The following KNDC1 variants were observed in gnomAD, a reference collection of about 807,000 sequenced individuals.
The protein encoded by KNDC1 is kinase non-catalytic C-lobe domain-containing protein 1.
KNDC1 carries 106 observed loss-of-function variants against 172.8 expected under a neutral mutation model. That is an observed-to-expected ratio of 0.61 (90% CI 0.52 to 0.72). KNDC1 has a LOEUF of 0.72. KNDC1 is among the 30% of genes least tolerant of loss of function. KNDC1 has a pLI of 0.00. For missense variants in KNDC1, 2,325 were observed against 2,394.5 expected (o/e 0.97, Z 0.61); for synonymous variants, 1,083 against 1,062.2 (o/e 1.02, Z -0.38).
intron 3 of KNDC1, among the ~76,000 whole-genome samples, chr10:133,177,157 C>T (rs1853559042): frequency 3.5e-5 from 5 of 144,154 alleles, no homozygotes. Flanking sequence ...GTCTGTGTCT[C>T]TGTGCACATG....
In KNDC1 at chr10:133,201,236, G is replaced by A. The variant is rs75632466; in HGVS notation, c.2990-265G>A. 2.3e-4 allele frequency among the ~76,000 whole-genome samples: 35 copies of A among 152,344 alleles called. No individual in the cohort carries two copies. In the South Asian group the frequency reaches 5.4e-3, roughly 23 times the overall value. ...CCCGGCCCCACCCCGGGGCGAGTAC[G>A]AGTTTGGAAGCAGTGAGGGCGCAGA... On this transcript the variant is annotated intron_variant, in intron 16 of 29. Transcript: ENST00000304613.
chr10:133,176,271 A>G (rs1028999543), intron 3 of KNDC1, among the ~76,000 whole-genome samples: 2 of 148,672 alleles, frequency 1.3e-5, no homozygotes, highest in Non-Finnish European at 3.0e-5. Context: ...GGATGGATGC[A>G]TGGTGGATGG....
Position 133,186,456 on chromosome 10 carries a change from G to C in KNDC1, c.1108G>C (p.Glu370Gln). The change falls in exon 6 of 30, where the codon GAA (glutamate) becomes CAA (glutamine). Residue 370 changes from glutamate to glutamine, a missense_variant. Coordinates refer to ENST00000304613, the MANE Select transcript of KNDC1 (RefSeq NM_152643.8). ...CAGGCTGTGGCCGGAGCAGGAGCCG[G>C]AACACCAGCTGGGACGGGTTCCCTG... The part of the protein sequence containing the change: ...KCRLWPEQEP[E>Q]HQLGRVPCAG... 2 of 1,612,522 alleles carry C rather than the reference G, an allele frequency of 1.2e-6. No homozygotes were observed. The highest frequency in any genetic ancestry group is 1.7e-6 in the Non-Finnish European group (2 of 1,179,804).
intron 26 of KNDC1, among the ~76,000 whole-genome samples, chr10:133,217,218 T>G (rs1845484412): frequency 6.6e-6 from 1 of 152,268 alleles, no homozygotes; most frequent in Non-Finnish European, 1.5e-5. Flanking sequence ...AGTGAAAAAG[T>G]GTGGCGAAAT....
At chr10:133,196,914 G>C in intron 10 of KNDC1, 144 bp from the exon 11 acceptor site, 1 of 644,370 alleles carries the variant, frequency 1.6e-6, no homozygotes, top group Non-Finnish European at 2.8e-6. Flanking sequence ...GGCTTGTCCG[G>C]GGCCTGTAGT....
chr10:133,174,882 ATGGATGGTTAATATGTGAATGGATAGG>A (rs1346855630), intron 3 of KNDC1, among the ~76,000 whole-genome samples: 5 of 146,394 alleles, frequency 3.4e-5, no homozygotes, highest in African/African-American at 1.3e-4. Context: ...GGATGGATAG[ATGGATGGTTAATATGTGAATGGATAGG>A]TGGATGTGTG....
intron 29 of KNDC1, among the ~76,000 whole-genome samples, chr10:133,220,853 G>C (rs1406268354): frequency 6.6e-6 from 1 of 151,960 alleles, no homozygotes; most frequent in African/African-American, 2.4e-5. Flanking sequence ...ATCCAGCAGA[G>C]GAGGGGCTCA....
At chr10:133,175,315 T>C (rs1476802164) in intron 3 of KNDC1, among the ~76,000 whole-genome samples, 3 of 142,660 alleles carry the variant, frequency 2.1e-5, no homozygotes, top group African/African-American at 5.2e-5. Flanking sequence ...GGTGGGTGAA[T>C]AGGTAGATGG....
rs561694698 is a variant in KNDC1, at chr10:133,182,249, G to A, written c.361-1095G>A. Among the ~76,000 whole-genome samples, 3 of 152,028 alleles carry A rather than the reference G, an allele frequency of 2.0e-5. No homozygotes were observed. In the East Asian group the frequency reaches 5.8e-4, roughly 29 times the overall value. ...GAGGTGGGTCTCAGGGTTCTGTGAC[G>A]ATATCTTGAGACCACCCAGGGAGAG... On this transcript the variant is annotated intron_variant, in intron 3 of 29. Coordinates refer to ENST00000304613, the MANE Select transcript of KNDC1 (RefSeq NM_152643.8).
chr10:133,193,603 G>A (rs371931466), intron 9 of KNDC1, among the ~76,000 whole-genome samples: 2 of 151,702 alleles, frequency 1.3e-5, no homozygotes, highest in Admixed American at 1.3e-4. Context: ...GAAGGAAGGA[G>A]GAAGAGAAGA....
chr10:133,226,400 C>T lies in KNDC1; in HGVS notation c.*1510C>T, dbSNP rs1406813411. The T allele has an allele frequency of 6.6e-6, 1 of 152,248 alleles. No homozygotes were observed. Among genetic ancestry groups the T allele is most frequent in the African/African-American group, 2.4e-5 (1 of 41,456 alleles). The allele number at this position is 152,248 out of a possible 1,614,324, so 9.4% of individuals were successfully genotyped here. On this transcript the variant is annotated 3_prime_UTR_variant, in exon 30 of 30. Transcript: ENST00000304613. ...CCTGGCACCAATTTCTGAATAAAGT[C>T]CTTTCTACCAGCTGCTGCTGTGTGG... is the stretch of plus-strand genomic sequence containing the variant.
In KNDC1 at chr10:133,187,970, C is replaced by G. The variant is rs181838334; in HGVS notation, c.1327-569C>G. 1.2e-4 allele frequency among the ~76,000 whole-genome samples: 17 copies of G among 147,080 alleles called. No individual in the cohort carries two copies. In the East Asian group the frequency reaches 1.9e-3, roughly 17 times the overall value. On this transcript the variant is annotated intron_variant, in intron 6 of 29. Transcript: ENST00000304613. ...GTCCCACCCTTCCCCTCCATGAGCTCTGTCCAGGGGCCTCGTGGGAGTGGG... is the reference window on the plus strand; with the variant it reads ...GTCCCACCCTTCCCCTCCATGAGCTGTGTCCAGGGGCCTCGTGGGAGTGGG...
At position 133,162,133 on chromosome 10, in the gene KNDC1, G is replaced by A. The variant is rs567440746; in HGVS notation, c.102+1564G>A. On this transcript the variant is annotated intron_variant, in intron 1 of 29. Coordinates refer to ENST00000304613, the MANE Select transcript of KNDC1 (RefSeq NM_152643.8). ...CGAGTTTGCAGCGTGCAGTGGGAACGTTCAGGTGGGCCCTTCGCAGACACT... is the reference window on the plus strand; with the variant it reads ...CGAGTTTGCAGCGTGCAGTGGGAACATTCAGGTGGGCCCTTCGCAGACACT... Among the ~76,000 whole-genome samples the A allele has an allele frequency of 3.9e-5, 6 of 152,330 alleles. No individual in the cohort carries two copies. In the East Asian group the frequency reaches 7.7e-4, roughly 20 times the overall value.
intron 9 of KNDC1, 101 bp from the exon 10 acceptor site, chr10:133,195,562 C>A: frequency 8.6e-7 from 1 of 1,160,282 alleles, no homozygotes; most frequent in Non-Finnish European, 1.2e-6. Flanking sequence ...TCTGTGGGGG[C>A]AGTGCCTGGG....
Position 133,214,010 on chromosome 10 carries a change from G to C in KNDC1, c.4565G>C (p.Ser1522Thr). 2.5e-6 allele frequency: 4 copies of C among 1,614,196 alleles called. No individual in the cohort carries two copies. Among genetic ancestry groups the C allele is most frequent in the Non-Finnish European group, 3.4e-6 (4 of 1,179,994 alleles). ...SSESLSAKTCSLFLPNYVQDK... is the reference protein window; with the variant it reads ...SSESLSAKTCTLFLPNYVQDK... ...GAGTCTCTTTCGGCCAAAACCTGCA[G>C]CTTATTTCTGCCCAATTACGTTCAG... The change falls in exon 26 of 30, where the codon AGC (serine) becomes ACC (threonine). Residue 1522 changes from serine to threonine, a missense_variant. Coordinates refer to ENST00000304613, the MANE Select transcript of KNDC1 (RefSeq NM_152643.8).
At chr10:133,167,269 G>C (rs1388600059) in intron 1 of KNDC1, 112 bp from the exon 2 acceptor site, 1 of 991,932 alleles carries the variant, frequency 1.0e-6, no homozygotes. Flanking sequence ...CCTGACCCAC[G>C]CGTTGAAACG....
intron 26 of KNDC1, among the ~76,000 whole-genome samples, chr10:133,218,524 G>A (rs1003809296): frequency 7.8e-6 from 1 of 127,568 alleles, no homozygotes; most frequent in South Asian, 3.1e-4. Flanking sequence ...TCCTGAAGCT[G>A]CCTGGGGAGG....
In KNDC1 at chr10:133,177,853, T is replaced by C. The variant is rs562839784; in HGVS notation, c.361-5491T>C. Among the ~76,000 whole-genome samples, 6 of 151,592 alleles carry C rather than the reference T, an allele frequency of 4.0e-5. No individual in the cohort carries two copies. In the South Asian group the frequency reaches 1.3e-3, roughly 32 times the overall value. On this transcript the variant is annotated intron_variant, in intron 3 of 29. Transcript: ENST00000304613. ...TGTGTGCGTGCATGCATGTAGTGTG[T>C]TGTCATGGGCACGTGTGTAGCATGG... is the stretch of plus-strand genomic sequence containing the variant.
At chr10:133,175,965 GATGGATGGATGGGTGGGTGAATGC>G (rs1289413629) in intron 3 of KNDC1, among the ~76,000 whole-genome samples, 3 of 149,214 alleles carry the variant, frequency 2.0e-5, no homozygotes, top group Non-Finnish European at 4.5e-5. Context: ...TGGGTGGATG[GATGGATGGATGGGTGGGTGAATGC>G]ATGGATGGAT....
Sources: allele counts gnomAD v4.1 joint callset (sites outside exome capture counted in the v4.1 genomes callset), GRCh38; gene constraint gnomAD v4.1.1; transcripts MANE v1.5; gene names NCBI Gene and HGNC (gene_info 2026-07-23, HGNC 2026-07-21).